Variants in IL19 observed in about 807,000 individuals in gnomAD.
The protein encoded by IL19 is interleukin-19.
In IL19, 15 loss-of-function variants were observed where a neutral mutation model predicts 19.5. The observed-to-expected ratio is 0.77, with a 90% CI of 0.52 to 1.19. The LOEUF is 1.19. IL19 is among the 50% of genes most tolerant of loss of function. The pLI, the probability that IL19 is intolerant of heterozygous loss-of-function variation, is 0.00. For missense variants in IL19, 199 were observed against 213.1 expected, an observed-to-expected ratio of 0.93 and a Z score of 0.41; for synonymous variants, 78 against 78.3, an observed-to-expected ratio of 1.00 and a Z score of 0.02.
intron 2 of IL19, among the ~76,000 whole-genome samples, chr1:206,807,593 T>G (rs1037984909): frequency 6.6e-6 from 1 of 152,244 alleles, no homozygotes; most frequent in Non-Finnish European, 1.5e-5. Context: ...GGTCTCAAAA[T>G]CTGAAAATAA....
chr1:206,772,836 CA>C (rs1318977909), intron 1 of IL19, among the ~76,000 whole-genome samples: 1 of 152,184 alleles, frequency 6.6e-6, no homozygotes, highest in Non-Finnish European at 1.5e-5. Flanking sequence ...TCCTAGGTCA[CA>C]GTGACGTGGA....
chr1:206,810,906 ATC>A (rs1675990954), intron 2 of IL19, among the ~76,000 whole-genome samples: 1 of 152,174 alleles, frequency 6.6e-6, no homozygotes, highest in Non-Finnish European at 1.5e-5. Flanking sequence ...AGAGCATGGC[ATC>A]TCTCTTGCTT....
intron 4 of IL19, among the ~76,000 whole-genome samples, chr1:206,838,170 C>T (rs1558623599): frequency 6.6e-6 from 1 of 152,192 alleles, no homozygotes; most frequent in South Asian, 2.1e-4. Flanking sequence ...ACAAGATCTG[C>T]CCAATCATCT....
chr1:206,775,733 T>C (rs947045122), intron 1 of IL19, among the ~76,000 whole-genome samples: 6 of 152,192 alleles, frequency 3.9e-5, no homozygotes, highest in Non-Finnish European at 8.8e-5. Flanking sequence ...CCCAAGCCCA[T>C]AGGTCATGTC....
At chr1:206,797,933 G>A (rs766002078) in intron 1 of IL19, among the ~76,000 whole-genome samples, 62 of 152,186 alleles carry the variant, frequency 4.1e-4, no homozygotes, top group Non-Finnish European at 4.7e-4. Flanking sequence ...GATTTTACAG[G>A]CAGAAGAAGT....
intron 2 of IL19, among the ~76,000 whole-genome samples, chr1:206,827,522 C>G (rs938072167): frequency 6.6e-6 from 1 of 152,012 alleles, no homozygotes; most frequent in African/African-American, 2.4e-5. Context: ...AACCCCGTCT[C>G]TACTAAAAAT....
At chr1:206,830,577 T>TTA (rs386354544) in intron 2 of IL19, among the ~76,000 whole-genome samples, 17,519 of 149,944 alleles carry the variant, frequency 0.12, 1,416 homozygotes, top group East Asian at 0.38. Flanking sequence ...ATTATCAGTT[T>TTA]TATATATATA....
At chr1:206,813,315 C>A (rs904941238) in intron 2 of IL19, among the ~76,000 whole-genome samples, 2 of 152,206 alleles carry the variant, frequency 1.3e-5, no homozygotes, top group Non-Finnish European at 2.9e-5. Context: ...GAGGGTTTCC[C>A]GTCTGCTTGT....
At chr1:206,773,586 TTGTGTGTGTGTGTG>T (rs2234662) in intron 1 of IL19, among the ~76,000 whole-genome samples, 28 of 131,866 alleles carry the variant, frequency 2.1e-4, no homozygotes, top group Admixed American at 3.0e-4. Context: ...TGTCTTGGAT[TTGTGTGTGTGTGTG>T]TGTGTGTGTG....
At position 206,795,927 on chromosome 1, in the gene IL19, A is replaced by ATATGTGTGTGTGTGTG. The variant is rs1553439245; in HGVS notation, c.-148-2933_-148-2932insATGTGTGTGTGTGTGT. On this transcript the variant is annotated intron_variant, in intron 1 of 6. Transcript: ENST00000659997. ...AAACAGAACCAATATAAATATATAT[A>ATATGTGTGTGTGTGTG]TGTGTGTGTGTGTGTGTGTGTGTGT... Among the ~76,000 whole-genome samples the ATATGTGTGTGTGTGTG allele has an allele frequency of 1.6e-3, 220 of 133,618 alleles. 1 individual carries two copies. Among genetic ancestry groups the ATATGTGTGTGTGTGTG allele is most frequent in the African/African-American group, 4.4e-3 (154 of 34,970 alleles). 87.7% of individuals were successfully genotyped at this position (133,618 alleles called of 152,430 possible). A position where few individuals can be genotyped will look rare whatever the true frequency, so the allele number is the denominator to read the frequency against.
chr1:206,841,126 C>T (rs1489950168), intron 6 of IL19, 48 bp downstream of exon 6: 4 of 1,501,064 alleles, frequency 2.7e-6, no homozygotes, highest in Non-Finnish European at 3.7e-6. Flanking sequence ...AGAGGTAGAT[C>T]AGGAGGGTGC....
Position 206,809,326 on chromosome 1 carries a change from C to T in IL19, c.-3+10320C>T, listed in dbSNP as rs1338457890. ...ATGTGAGATCTCCACATGTGATAGGCTTTTTAGTCTGTACTGTTAGTTGTA... is the reference window on the plus strand; with the variant it reads ...ATGTGAGATCTCCACATGTGATAGGTTTTTTAGTCTGTACTGTTAGTTGTA... On this transcript the variant is annotated intron_variant, in intron 2 of 6. Transcript: ENST00000659997. Among the ~76,000 whole-genome samples the T allele has an allele frequency of 2.0e-5, 3 of 152,164 alleles. No individual in the cohort carries two copies. In the East Asian group the frequency reaches 5.8e-4, roughly 29 times the overall value.
chr1:206,799,078 C>G, intron 2 of IL19, 72 bp downstream of exon 2: 1 of 1,048,354 alleles, frequency 9.5e-7, no homozygotes, highest in Non-Finnish European at 1.5e-6. Context: ...CAGTTTATTT[C>G]AAGACTCTGG....
At chr1:206,786,690 A>G (rs1009311588) in intron 1 of IL19, among the ~76,000 whole-genome samples, 2 of 152,008 alleles carry the variant, frequency 1.3e-5, no homozygotes, top group African/African-American at 4.8e-5. Context: ...TGCTATTGCC[A>G]CTGTAACCAA....
At chr1:206,809,632 C>T (rs1288431459) in intron 2 of IL19, among the ~76,000 whole-genome samples, 1 of 152,142 alleles carries the variant, frequency 6.6e-6, no homozygotes, top group East Asian at 1.9e-4. Context: ...CCCTCTTGAT[C>T]TACTGTAAGT....
At chr1:206,772,987 AGGGGGT>A (rs1460504582) in intron 1 of IL19, among the ~76,000 whole-genome samples, 1 of 152,144 alleles carries the variant, frequency 6.6e-6, no homozygotes, top group African/African-American at 2.4e-5. Flanking sequence ...AGTAAAAATG[AGGGGGT>A]GGGCTAAATA....
chr1:206,789,049 A>G (rs775090746), intron 1 of IL19, among the ~76,000 whole-genome samples: 1 of 152,238 alleles, frequency 6.6e-6, no homozygotes, highest in Non-Finnish European at 1.5e-5. Flanking sequence ...GATACCAGTC[A>G]GAATGCTAGA....
At chr1:206,829,292 G>A (rs987967674) in intron 2 of IL19, among the ~76,000 whole-genome samples, 1 of 152,154 alleles carries the variant, frequency 6.6e-6, no homozygotes, top group Non-Finnish European at 1.5e-5. Flanking sequence ...GAAATTCAAA[G>A]TTAAATATGC....
At chr1:206,779,365 T>C (rs935045812) in intron 1 of IL19, among the ~76,000 whole-genome samples, 1 of 152,014 alleles carries the variant, frequency 6.6e-6, no homozygotes, top group Admixed American at 6.6e-5. Flanking sequence ...TAGTGTGGGC[T>C]CCCAGAGCTC....
Sources: gnomAD v4.1 joint callset for allele counts (sites outside exome capture counted in the v4.1 genomes callset) on GRCh38, gnomAD v4.1.1 for gene constraint, MANE v1.5 for transcripts, NCBI Gene and HGNC (gene_info 2026-07-23, HGNC 2026-07-21) for gene names.